The following HS3ST4 variants were observed in gnomAD, a reference collection of about 807,000 sequenced individuals.
HS3ST4 encodes the protein heparan sulfate-glucosamine 3-sulfotransferase 4.
In HS3ST4, 17 loss-of-function variants were observed where a neutral mutation model predicts 29.2. That is an observed-to-expected ratio of 0.58 (90% confidence interval 0.40 to 0.87). The LOEUF (loss-of-function observed/expected upper bound fraction) is 0.87. Among genes scored for constraint, HS3ST4 ranks in the 40% least tolerant of loss-of-function variants. The probability of loss-of-function intolerance (pLI) is 0.00; values close to 1 mark genes in which losing one functional copy is unlikely to be tolerated. For synonymous variants in HS3ST4, 314 were observed against 285.7 expected, an observed-to-expected ratio of 1.10 and a Z score of -1.00; for missense variants, 627 against 634.5, an observed-to-expected ratio of 0.99 and a Z score of 0.13.
At chr16:25,780,249 A>G (rs1333682870) in intron 1 of HS3ST4, among the ~76,000 whole-genome samples, 1 of 151,996 alleles carries the variant, frequency 6.6e-6, no homozygotes, top group Non-Finnish European at 1.5e-5. Flanking sequence ...CCAAGCCCCG[A>G]CCTTTCCATA....
chr16:26,125,825 C>T (rs1899335653), intron 1 of HS3ST4, among the ~76,000 whole-genome samples: 1 of 152,220 alleles, frequency 6.6e-6, no homozygotes, highest in African/African-American at 2.4e-5. Flanking sequence ...ATCTCTCAGT[C>T]ATTCTGCTAT....
chr16:25,791,326 C>T (rs573276330), intron 1 of HS3ST4, among the ~76,000 whole-genome samples: 2 of 152,098 alleles, frequency 1.3e-5, no homozygotes, highest in East Asian at 1.9e-4. Flanking sequence ...AAGTCTAAGC[C>T]CTTTAGGTTT....
intron 1 of HS3ST4, among the ~76,000 whole-genome samples, chr16:25,770,700 A>G (rs968719045): frequency 3.3e-5 from 5 of 152,102 alleles, no homozygotes; most frequent in Non-Finnish European, 7.3e-5. Context: ...TTGTACATAT[A>G]TTGATGCATT....
At chr16:25,989,482 G>A (rs1969095735) in intron 1 of HS3ST4, among the ~76,000 whole-genome samples, 1 of 152,220 alleles carries the variant, frequency 6.6e-6, no homozygotes, top group African/African-American at 2.4e-5. Context: ...TGGCATGGTT[G>A]CCTCGTTTGG....
At chr16:25,895,552 G>T (rs371553483) in intron 1 of HS3ST4, among the ~76,000 whole-genome samples, 1 of 152,142 alleles carries the variant, frequency 6.6e-6, no homozygotes, top group African/African-American at 2.4e-5. Context: ...TGTCTCGGTT[G>T]TCTGGGCTGC....
At chr16:25,900,583 G>A (rs1241475081) in intron 1 of HS3ST4, among the ~76,000 whole-genome samples, 4 of 152,100 alleles carry the variant, frequency 2.6e-5, no homozygotes, top group African/African-American at 7.2e-5. Context: ...TTAGGAGTGC[G>A]GGTTAATGCA....
chr16:25,718,507 A>T (rs1966473060), intron 1 of HS3ST4, among the ~76,000 whole-genome samples: 1 of 151,932 alleles, frequency 6.6e-6, no homozygotes, highest in South Asian at 2.1e-4. Flanking sequence ...AATGGGAGAG[A>T]GAGAGAGAGA....
chr16:26,113,361 G>A (rs1401678124), intron 1 of HS3ST4, among the ~76,000 whole-genome samples: 1 of 151,488 alleles, frequency 6.6e-6, no homozygotes, highest in Admixed American at 6.6e-5. Context: ...CAAGAGAATC[G>A]CTTGAAACCG....
intron 1 of HS3ST4, among the ~76,000 whole-genome samples, chr16:26,068,578 C>T (rs1361175317): frequency 1.3e-5 from 2 of 152,126 alleles, no homozygotes; most frequent in Non-Finnish European, 2.9e-5. Context: ...AACTTCCCCT[C>T]TCCATTCAGT....
intron 1 of HS3ST4, among the ~76,000 whole-genome samples, chr16:25,816,468 A>G (rs1430383931): frequency 2.6e-5 from 4 of 152,162 alleles, no homozygotes; most frequent in Non-Finnish European, 5.9e-5. Context: ...TCTGCTTCAT[A>G]TGATTCATTA....
intron 1 of HS3ST4, among the ~76,000 whole-genome samples, chr16:26,066,940 A>G (rs939427897): frequency 1.3e-5 from 2 of 152,200 alleles, no homozygotes; most frequent in African/African-American, 4.8e-5. Context: ...TGTAGTAAAT[A>G]ATCATTGGCA....
chr16:26,032,441 G>T, intron 1 of HS3ST4: 11 of 801,166 alleles, frequency 1.4e-5, no homozygotes, highest in Non-Finnish European at 1.8e-5. Context: ...AAAAAAAAAA[G>T]TAAAACAAAA....
chr16:25,883,832 C>G (rs938388770), intron 1 of HS3ST4, among the ~76,000 whole-genome samples: 3 of 152,100 alleles, frequency 2.0e-5, no homozygotes, highest in Non-Finnish European at 2.9e-5. Context: ...GAATCCAGCC[C>G]AGTTCTACAA....
At chr16:26,086,894 T>TG (rs1190946169) in intron 1 of HS3ST4, among the ~76,000 whole-genome samples, 1 of 152,226 alleles carries the variant, frequency 6.6e-6, no homozygotes, top group Non-Finnish European at 1.5e-5. Context: ...TGCTCTGAAA[T>TG]GCATCTGCAT....
At chr16:25,817,255 C>A (rs12598943) in intron 1 of HS3ST4, among the ~76,000 whole-genome samples, 34,717 of 150,862 alleles carry the variant, frequency 0.23, 4,348 homozygotes, top group East Asian at 0.32. Context: ...GTTGCATGGA[C>A]TGGCACGTAT....
Position 26,113,741 on chromosome 16 carries a change from C to T in HS3ST4, c.735-21871C>T, listed in dbSNP as rs143381583. On this transcript the variant is annotated intron_variant, in intron 1 of 1. Transcript: ENST00000331351. ...CACACTTGCTCTCCATTTCCCTCTCCTCCTCTTCCTCCTTCTCTTCCTCCT... is the reference window on the plus strand; with the variant it reads ...CACACTTGCTCTCCATTTCCCTCTCTTCCTCTTCCTCCTTCTCTTCCTCCT... Among the ~76,000 whole-genome samples, 644 of 152,132 alleles carry T rather than the reference C, an allele frequency of 4.2e-3. 8 individuals carry two copies. Among genetic ancestry groups the T allele is most frequent in the African/African-American group, 0.015 (616 of 41,492 alleles).
At chr16:26,044,862 C>T (rs73516304) in intron 1 of HS3ST4, among the ~76,000 whole-genome samples, 2,517 of 152,126 alleles carry the variant, frequency 0.017, 66 homozygotes, top group African/African-American at 0.056. Flanking sequence ...AAGCTGGGAC[C>T]GAGAGCTTTA....
At chr16:25,794,460 T>C (rs1966877402) in intron 1 of HS3ST4, among the ~76,000 whole-genome samples, 2 of 152,048 alleles carry the variant, frequency 1.3e-5, no homozygotes, top group Non-Finnish European at 2.9e-5. Context: ...AAAAATGTCC[T>C]TATTTTTTTT....
chr16:25,878,995 A>G (rs1470854097), intron 1 of HS3ST4, among the ~76,000 whole-genome samples: 3 of 152,112 alleles, frequency 2.0e-5, no homozygotes, highest in Non-Finnish European at 2.9e-5. Flanking sequence ...CCTCTTTCTC[A>G]TAGCTGGTAC....
Sources: allele counts gnomAD v4.1 joint callset (sites outside exome capture counted in the v4.1 genomes callset), GRCh38; gene constraint gnomAD v4.1.1; transcripts MANE v1.5; gene names NCBI Gene and HGNC (gene_info 2026-07-23, HGNC 2026-07-21).